Variants in TAMM41 observed in about 807,000 individuals in gnomAD.
TAMM41 encodes the protein phosphatidate cytidylyltransferase, mitochondrial.
TAMM41 carries 36 observed loss-of-function variants against 44.1 expected under a neutral mutation model. That is an observed-to-expected ratio of 0.82 (90% CI 0.63 to 1.08). The LOEUF is 1.08. Ranked by LOEUF, TAMM41 falls within the 50% of genes least tolerant of loss-of-function variation. The pLI is 0.00. For synonymous variants in TAMM41, 164 were observed against 153.1 expected (o/e 1.07, Z -0.53); for missense variants, 417 against 404.3 (o/e 1.03, Z -0.27).
intron 2 of TAMM41, among the ~76,000 whole-genome samples, chr3:11,840,374 A>T (rs569759600): frequency 6.6e-6 from 1 of 151,992 alleles, no homozygotes; most frequent in Non-Finnish European, 1.5e-5. Flanking sequence ...CTGGGATTAC[A>T]GGCACGCGGT....
At chr3:11,769,869 A>C in the TAMM41 span, among the ~76,000 whole-genome samples, 5 of 152,326 alleles carry the variant, frequency 3.3e-5, no homozygotes. Context: ...ATTTCCTACA[A>C]AGCAGGCAGA....
At chr3:11,726,616 A>G in the TAMM41 span, among the ~76,000 whole-genome samples, 2 of 152,168 alleles carry the variant, frequency 1.3e-5, no homozygotes, top group South Asian at 2.1e-4. Context: ...AGCCTGGGCC[A>G]ACATGGTGAA....
chr3:11,732,323 CCT>C, the TAMM41 span, among the ~76,000 whole-genome samples: 50,035 of 150,980 alleles, frequency 0.33, 8,472 homozygotes, highest in Middle Eastern at 0.45. Flanking sequence ...TCCCTTTTTC[CCT>C]CTCTCTCTCC....
At chr3:11,775,579 C>T in the TAMM41 span, among the ~76,000 whole-genome samples, 1 of 152,232 alleles carries the variant, frequency 6.6e-6, no homozygotes, top group African/African-American at 2.4e-5. Context: ...AACTCAGATT[C>T]AGATACAATC....
chr3:11,846,633 C>T lies in TAMM41; in HGVS notation c.4G>A (p.Ala2Thr). Reference sequence around the variant, plus strand: ...CACGAGCTCTGCAGCGTCTGCAGCGCCATGGGGTCGAGGCTAACAGGGGAC... The same window carrying T: ...CACGAGCTCTGCAGCGTCTGCAGCGTCATGGGGTCGAGGCTAACAGGGGAC... M[A>T]LQTLQSSWVT... Residue 2 changes from alanine to threonine, a missense_variant, in exon 1 of 8, where the codon GCG (alanine) becomes ACG (threonine). By Grantham distance (58) the Ala-to-Thr change is moderately conservative. Transcript: ENST00000455809. 1 of 1,614,192 alleles carries T rather than the reference C, an allele frequency of 6.2e-7. No homozygotes were observed.
the TAMM41 span, among the ~76,000 whole-genome samples, chr3:11,773,539 T>C: frequency 6.6e-6 from 1 of 152,126 alleles, no homozygotes; most frequent in Non-Finnish European, 1.5e-5. Flanking sequence ...ACATTTTCTT[T>C]TTTGACTACC....
the TAMM41 span, among the ~76,000 whole-genome samples, chr3:11,777,639 C>T: frequency 6.6e-6 from 1 of 152,130 alleles, no homozygotes; most frequent in South Asian, 2.1e-4. Context: ...ACTAAAAATA[C>T]AAAAATTAGC....
chr3:11,775,543 C>T, the TAMM41 span, among the ~76,000 whole-genome samples: 5 of 152,230 alleles, frequency 3.3e-5, no homozygotes, highest in African/African-American at 9.6e-5. Flanking sequence ...AATAAAGTCA[C>T]GCCACTGCAC....
intron 4 of TAMM41, among the ~76,000 whole-genome samples, chr3:11,824,318 G>A (rs527421417): frequency 1.3e-5 from 2 of 148,306 alleles, no homozygotes; most frequent in African/African-American, 2.5e-5. Flanking sequence ...AGCCTCCCTA[G>A]TAGCTGGGAC....
At chr3:11,830,167 A>C (rs1368707791) in intron 3 of TAMM41, among the ~76,000 whole-genome samples, 1 of 152,208 alleles carries the variant, frequency 6.6e-6, no homozygotes, top group Non-Finnish European at 1.5e-5. Flanking sequence ...AAACTTTAAT[A>C]TTTTTAAATT....
At chr3:11,834,130 G>A (rs112999984) in intron 3 of TAMM41, among the ~76,000 whole-genome samples, 95 of 152,178 alleles carry the variant, frequency 6.2e-4, no homozygotes, top group African/African-American at 2.2e-3. Context: ...TATAGTTCCG[G>A]CTACTCAGGA....
At chr3:11,800,288 G>A (rs1346044325) in intron 7 of TAMM41, among the ~76,000 whole-genome samples, 1 of 152,026 alleles carries the variant, frequency 6.6e-6, no homozygotes, top group African/African-American at 2.4e-5. Context: ...AAATAACCAT[G>A]TGACAGAAAC....
At chr3:11,739,158 A>T in the TAMM41 span, among the ~76,000 whole-genome samples, 1 of 152,194 alleles carries the variant, frequency 6.6e-6, no homozygotes, top group Non-Finnish European at 1.5e-5. Context: ...CTGATTGCTT[A>T]AGGCTGAATC....
chr3:11,817,229 G>T lies in TAMM41; in HGVS notation c.671C>A (p.Pro224His). ...TTGCTGGCTTTTATACACCACTTGA[G>T]GATTTTCCTGTAGTATGCTGCCATA... is the stretch of plus-strand genomic sequence containing the variant. ...ELYGSILQEN[P>H]QVVYKSQQGW... is the part of the protein sequence containing the mutation. Residue 224 changes from proline (P) to histidine (H), a missense_variant, in exon 5 of 8, where the codon CCT (proline) becomes CAT (histidine). Physicochemically the swap from Pro to His is moderately conservative, Grantham distance 77. Coordinates refer to ENST00000455809, the MANE Select transcript of TAMM41 (RefSeq NM_001284401.2). The T allele has an allele frequency of 6.2e-7, 1 of 1,612,620 alleles. No homozygotes were observed. Among genetic ancestry groups the T allele is most frequent in the Non-Finnish European group, 8.5e-7 (1 of 1,178,918 alleles).
In TAMM41 at chr3:11,828,343, T is replaced by C. The variant is rs149398788; in HGVS notation, c.562+1371A>G. Among the ~76,000 whole-genome samples the C allele has an allele frequency of 1.6e-4, 25 of 152,312 alleles. No individual in the cohort carries two copies. In the East Asian group the frequency reaches 4.8e-3, roughly 29 times the overall value. On this transcript the variant is annotated intron_variant, in intron 4 of 7. Transcript: ENST00000455809. ...CAAAGAGGTGAAAGCAGCTATGTCA[T>C]TTGGTAAATTTCCTTAGTAATATTC...
chr3:11,765,681 C>T, the TAMM41 span, among the ~76,000 whole-genome samples: 1 of 150,262 alleles, frequency 6.7e-6, no homozygotes, highest in East Asian at 1.9e-4. Flanking sequence ...TTATGATTAT[C>T]TTTTCACCTT....
At chr3:11,790,432 A>G, downstream of TAMM41, 1 of 1,388,784 alleles carries the variant, frequency 7.2e-7, no homozygotes, top group Non-Finnish European at 1.0e-6. Context: ...GGTCAAAGTA[A>G]CAAACACTGT....
At chr3:11,781,779 A>AATC in the TAMM41 span, among the ~76,000 whole-genome samples, 119 of 40,522 alleles carry the variant, frequency 2.9e-3, no homozygotes, top group Non-Finnish European at 3.8e-3. Context: ...TAATAATAAT[A>AATC]ATCATACAAA....
chr3:11,787,698 C>A (rs1288565543), downstream of TAMM41, among the ~76,000 whole-genome samples: 1 of 152,094 alleles, frequency 6.6e-6, no homozygotes, highest in East Asian at 1.9e-4. Context: ...AATTCTAACA[C>A]CAAACCTGAC....
Sources: gnomAD v4.1 joint callset for allele counts (sites outside exome capture counted in the v4.1 genomes callset) on GRCh38, gnomAD v4.1.1 for gene constraint, MANE v1.5 for transcripts, NCBI Gene and HGNC (gene_info 2026-07-23, HGNC 2026-07-21) for gene names.